EPC1: variants seen among roughly 807,000 people sequenced by gnomAD.
EPC1 encodes enhancer of polycomb 1.
Under a neutral mutation model 98.4 loss-of-function variants are expected in EPC1, and 12 were observed. The ratio of observed to expected loss-of-function variants is 0.12; its 90% CI spans 0.08 to 0.20. The LOEUF (loss-of-function observed/expected upper bound fraction) is 0.20, where lower values mean the gene tolerates loss of function less well. EPC1 is among the 10% of genes least tolerant of loss of function. The probability of loss-of-function intolerance (pLI) is 1.00; values close to 1 mark genes in which losing one functional copy is unlikely to be tolerated. For synonymous variants in EPC1, 357 were observed against 363.9 expected (o/e 0.98, Z 0.21); for missense variants, 729 against 990.5 (o/e 0.74, Z 3.54).
At chr10:32,288,568 T>C (rs1377851479) in intron 6 of EPC1, among the ~76,000 whole-genome samples, 3 of 147,418 alleles carry the variant, frequency 2.0e-5, no homozygotes, top group Non-Finnish European at 4.5e-5. Flanking sequence ...CCAGGCTGGT[T>C]TCAAACTCTT....
intron 2 of EPC1, among the ~76,000 whole-genome samples, chr10:32,295,763 C>T (rs937694493): frequency 1.3e-5 from 2 of 152,080 alleles, no homozygotes; most frequent in East Asian, 1.9e-4. Context: ...CAGTCACAAT[C>T]GCCACATTTC....
rs887403164 is a variant in EPC1 at position 32,345,426 on chromosome 10, T to C, written c.153+1337A>G. The stretch of plus-strand genomic sequence containing the variant: ...AAACAACATTACAGAGCATAATTTC[T>C]ACATTAAAAATTCTTACAGTACCAA... On this transcript the variant is annotated intron_variant, in intron 1 of 13. Transcript: ENST00000319778. 1.3e-5 allele frequency: 13 copies of C among 985,198 alleles called. No individual in the cohort carries two copies. The African/African-American group carries it at 1.9e-4, about 15-fold the overall frequency. 61.0% of individuals were successfully genotyped at this position (985,198 alleles called of 1,614,324 possible).
At chr10:32,340,475 A>C (rs933059305) in intron 1 of EPC1, among the ~76,000 whole-genome samples, 4 of 152,184 alleles carry the variant, frequency 2.6e-5, no homozygotes, top group Non-Finnish European at 5.9e-5. Context: ...ACACCTAATC[A>C]AGAAAGATTT....
At chr10:32,302,800 A>G (rs1239632135) in intron 2 of EPC1, among the ~76,000 whole-genome samples, 2 of 152,158 alleles carry the variant, frequency 1.3e-5, no homozygotes, top group Non-Finnish European at 2.9e-5. Flanking sequence ...ACAATAAGAT[A>G]TTACTACACA....
upstream of EPC1, among the ~76,000 whole-genome samples, chr10:32,351,628 G>A (rs1362151429): frequency 6.0e-5 from 9 of 151,154 alleles, no homozygotes; most frequent in East Asian, 7.9e-4. Context: ...ATTGCACTCC[G>A]GGCTGGGCAA....
chr10:32,307,936 A>G lies in EPC1; in HGVS notation c.154-2005T>C, dbSNP rs193191350. 8.6e-4 allele frequency among the ~76,000 whole-genome samples: 131 copies of G among 152,346 alleles called. 1 individual carries two copies. Among genetic ancestry groups the G allele is most frequent in the Admixed American group, 2.0e-3 (30 of 15,300 alleles). ...TTAATTTCTATGTGTAGGTGAACAT[A>G]TAAGTTAGATGTTTTACCTTTTGGA... On this transcript the variant is annotated intron_variant, in intron 1 of 13. Coordinates refer to ENST00000319778, the MANE Select transcript of EPC1 (RefSeq NM_001272004.3).
chr10:32,362,397 C>T (rs1341809515), intron 1 of EPC1, among the ~76,000 whole-genome samples: 11 of 151,978 alleles, frequency 7.2e-5, no homozygotes, highest in Admixed American at 2.0e-4. Flanking sequence ...TGGTGTTGTT[C>T]TCATGATAGT....
intron 1 of EPC1, among the ~76,000 whole-genome samples, chr10:32,328,985 T>A (rs1266780291): frequency 6.6e-6 from 1 of 152,250 alleles, no homozygotes; most frequent in Non-Finnish European, 1.5e-5. Context: ...TACTTGGGAC[T>A]TCTGAGCTGG....
At chr10:32,366,096 G>A (rs917622300) in intron 1 of EPC1, among the ~76,000 whole-genome samples, 1 of 152,122 alleles carries the variant, frequency 6.6e-6, no homozygotes, top group East Asian at 1.9e-4. Flanking sequence ...CCATGCCACA[G>A]CACTCCAGCC....
At chr10:32,341,079 A>G (rs1303326445) in intron 1 of EPC1, among the ~76,000 whole-genome samples, 1 of 152,172 alleles carries the variant, frequency 6.6e-6, no homozygotes, top group Non-Finnish European at 1.5e-5. Flanking sequence ...TTACAATATA[A>G]AATTCTCATT....
intron 1 of EPC1, among the ~76,000 whole-genome samples, chr10:32,359,921 TA>T (rs1564566733): frequency 1.3e-5 from 2 of 152,178 alleles, no homozygotes; most frequent in African/African-American, 4.8e-5. Context: ...TTGGTATCAT[TA>T]GTAGTTTTGT....
At position 32,363,232 on chromosome 10, in the gene EPC1, C is replaced by A. The variant is rs190557867; in HGVS notation, c.3+15259G>T. Among the ~76,000 whole-genome samples the A allele has an allele frequency of 5.8e-4, 88 of 152,266 alleles. No homozygotes were observed. In the Middle Eastern group the frequency reaches 0.014, roughly 24 times the overall value. ...GGGACTACAGGCATGTGCCACCACA[C>A]CTGGCTAATCTTTATATTTTTTTGC... On this transcript the variant is annotated intron_variant, in intron 1 of 13. Coordinates refer to the EPC1 transcript ENST00000375110.
chr10:32,300,545 T>C (rs1454008027), intron 2 of EPC1, among the ~76,000 whole-genome samples: 2 of 151,834 alleles, frequency 1.3e-5, no homozygotes, highest in East Asian at 3.9e-4. Flanking sequence ...GCAATTCTCC[T>C]GCCTCAGCCT....
intron 1 of EPC1, among the ~76,000 whole-genome samples, chr10:32,343,877 C>T (rs1208530983): frequency 1.3e-5 from 2 of 152,180 alleles, no homozygotes; most frequent in Non-Finnish European, 2.9e-5. Flanking sequence ...GTAACAATTA[C>T]TAGGTGTATT....
rs764786524 is a variant in EPC1, at chr10:32,272,163, A to G, written c.1868T>C (p.Phe623Ser). The G allele has an allele frequency of 5.6e-6, 9 of 1,603,170 alleles. No individual in the cohort carries two copies. The highest frequency in any genetic ancestry group is 5.9e-6 in the Non-Finnish European group (7 of 1,177,030). ...AGCAGAATCCAAAGTCTTAGAAACAAAACCCTAAAAAGAAAATACAAAAGA... is the reference window on the plus strand; with the variant it reads ...AGCAGAATCCAAAGTCTTAGAAACAGAACCCTAAAAAGAAAATACAAAAGA... ...SNSSTNTSQG[F>S]VSKTLDSASA... Residue 623 changes from phenylalanine to serine, a missense_variant, in exon 12 of 14, where the codon TTT becomes TCT. Around this residue, in one of 6 missense-constraint regions of EPC1, gnomAD observed 390 missense variants for 438.6 expected, o/e 0.89. Coordinates refer to ENST00000319778, the MANE Select transcript of EPC1 (RefSeq NM_001272004.3).
At chr10:32,304,587 T>C (rs1835761419) in intron 2 of EPC1, among the ~76,000 whole-genome samples, 1 of 152,162 alleles carries the variant, frequency 6.6e-6, no homozygotes, top group African/African-American at 2.4e-5. Flanking sequence ...AGGTTTACGC[T>C]GTCCTAAAGA....
At chr10:32,344,793 G>A (rs991542851) in intron 1 of EPC1, among the ~76,000 whole-genome samples, 2 of 151,720 alleles carry the variant, frequency 1.3e-5, no homozygotes, top group African/African-American at 4.9e-5. Context: ...TCTCAGAAAA[G>A]AAAAGAAGAA....
At chr10:32,362,712 T>C (rs74128095) in intron 1 of EPC1, among the ~76,000 whole-genome samples, 271 of 152,326 alleles carry the variant, frequency 1.8e-3, no homozygotes, top group African/African-American at 6.3e-3. Context: ...CCCACCTGGA[T>C]AGTTTTTGGC....
intron 6 of EPC1, among the ~76,000 whole-genome samples, chr10:32,289,914 G>A (rs115876586): frequency 0.012 from 1,789 of 151,996 alleles, 37 homozygotes; most frequent in African/African-American, 0.041. Context: ...ATGAACCACC[G>A]TGCCCGGCCA....
Sources: allele counts gnomAD v4.1 joint callset (sites outside exome capture counted in the v4.1 genomes callset), GRCh38; gene constraint gnomAD v4.1.1; regional missense constraint gnomAD v4.1.1; transcripts MANE v1.5; gene names NCBI Gene and HGNC (gene_info 2026-07-23, HGNC 2026-07-21).